Variants in ZNF638 observed in about 807,000 individuals in gnomAD.
The protein encoded by ZNF638 is CTCL tumor antigen se33-1.
In ZNF638, 46 loss-of-function variants were observed where a neutral mutation model predicts 195.6. The observed-to-expected ratio is 0.24, with a 90% CI of 0.19 to 0.30. The LOEUF (loss-of-function observed/expected upper bound fraction) is 0.30, where lower values mean the gene tolerates loss of function less well. ZNF638 is among the 10% of genes least tolerant of loss of function. ZNF638 has a pLI of 1.00. For synonymous variants in ZNF638, 845 were observed against 772.0 expected (o/e 1.09, Z -1.57); for missense variants, 2,440 against 2,325.3 (o/e 1.05, Z -1.01).
At position 71,388,389 on chromosome 2, in the gene ZNF638, TGACCTTTGATCATCC is replaced by T. The variant is rs1206602435; in HGVS notation, c.2378-7750_2378-7736del. 1.4e-5 allele frequency: 9 copies of T among 643,182 alleles called. No individual in the cohort carries two copies. In the East Asian group the frequency reaches 2.1e-4, roughly 15 times the overall value. The allele number at this position is 643,182 out of a possible 1,614,324, so 39.8% of individuals were successfully genotyped here. The stretch of plus-strand genomic sequence containing the variant: ...TTTGATCATCCGACCTTTGATCATC[TGACCTTTGATCATCC>T]GCGTGCAGGACTGCTCCCTACAGGC... On this transcript the variant is annotated intron_variant, in intron 10 of 27. Transcript: ENST00000264447.
chr2:71,373,464 T>TG (rs1166421715), intron 8 of ZNF638, among the ~76,000 whole-genome samples: 4 of 106,786 alleles, frequency 3.7e-5, no homozygotes, highest in Non-Finnish European at 8.0e-5. Context: ...TTTTTTTTTT[T>TG]GGCGGAGCCT....
chr2:71,428,687 C>T, intron 25 of ZNF638, 36 bp downstream of exon 25: 1 of 1,538,568 alleles, frequency 6.5e-7, no homozygotes, highest in Non-Finnish European at 9.0e-7. Context: ...AGGAAAGTTA[C>T]ACAACACAGG....
intron 15 of ZNF638, 129 bp from the exon 16 acceptor site, chr2:71,401,827 T>C: frequency 3.8e-6 from 3 of 792,490 alleles, no homozygotes; most frequent in Non-Finnish European, 5.5e-6. Flanking sequence ...GACCAGCCTC[T>C]TGAGTTTATC....
chr2:71,396,583 C>T (rs939739877), intron 11 of ZNF638, among the ~76,000 whole-genome samples: 1 of 152,106 alleles, frequency 6.6e-6, no homozygotes, highest in African/African-American at 2.4e-5. Context: ...TCCAGTTTTT[C>T]TCCCAGTTCT....
intron 3 of ZNF638, among the ~76,000 whole-genome samples, chr2:71,360,532 T>G (rs2079091587): frequency 6.6e-6 from 1 of 152,296 alleles, no homozygotes; most frequent in East Asian, 1.9e-4. Context: ...ACAGTCTCTT[T>G]TAATCTAGAA....
In ZNF638 at chr2:71,363,136, G is replaced by A. The variant is rs373434939; in HGVS notation, c.1380-17G>A. ...CTGATTTTAGCTGTTAGTTAATATT[G>A]TTTATTTTCAAAATAGGTATCCTGA... On this transcript the variant is annotated splice_polypyrimidine_tract_variant and intron_variant, in intron 3 of 27. Transcript: ENST00000264447. 235 of 1,582,656 alleles carry A rather than the reference G, an allele frequency of 1.5e-4. No homozygotes were observed. The highest frequency in any genetic ancestry group is 1.9e-4 in the Non-Finnish European group (222 of 1,158,296).
Position 71,426,708 on chromosome 2 carries a change from T to G in ZNF638, c.4839T>G (p.His1613Gln). Residue 1613 changes from histidine to glutamine, a missense_variant, in exon 24 of 28, where the codon CAT (histidine) becomes CAG (glutamine). By Grantham distance (24) the His-to-Gln change is conservative (BLOSUM62 0). Transcript: ENST00000264447. ...EIGEEEDAAA[H>Q]LAQALVTVDE... ...GGGAAGAGGAAGATGCAGCTGCACATCTAGCACAAGCTCTAGTCACTGTGG... is the reference window on the plus strand; with the variant it reads ...GGGAAGAGGAAGATGCAGCTGCACAGCTAGCACAAGCTCTAGTCACTGTGG... 1 of 1,614,188 alleles carries G rather than the reference T, an allele frequency of 6.2e-7. No homozygotes were observed. The highest frequency in any genetic ancestry group is 8.5e-7 in the Non-Finnish European group (1 of 1,180,032).
intron 1 of ZNF638, among the ~76,000 whole-genome samples, chr2:71,333,668 C>T (rs1317095153): frequency 1.3e-5 from 2 of 152,180 alleles, no homozygotes; most frequent in East Asian, 1.9e-4. Context: ...AGAGAATAGG[C>T]TTTGCAGTCG....
chr2:71,382,915 A>G (rs916832980), intron 10 of ZNF638, among the ~76,000 whole-genome samples: 2 of 152,226 alleles, frequency 1.3e-5, no homozygotes, highest in African/African-American at 4.8e-5. Context: ...ACCAGAAGAG[A>G]GAAAACAAAG....
chr2:71,339,048 GTTTTCCTT>G (rs945236134), intron 1 of ZNF638, among the ~76,000 whole-genome samples: 2 of 151,076 alleles, frequency 1.3e-5, no homozygotes, highest in African/African-American at 4.9e-5. Flanking sequence ...ATGTTTTCCT[GTTTTCCTT>G]TTTTGTTTAA....
In ZNF638 at chr2:71,348,436, G is replaced by A. The variant is rs547473807; in HGVS notation, c.-202-317G>A. 4.4e-5 allele frequency: 44 copies of A among 1,010,248 alleles called. No homozygotes were observed. The East Asian group carries it at 2.4e-3, about 54-fold the overall frequency. 62.6% of individuals were successfully genotyped at this position (1,010,248 alleles called of 1,614,324 possible). A position where few individuals can be genotyped will look rare whatever the true frequency, so the allele number is the denominator to read the frequency against. On this transcript the variant is annotated intron_variant, in intron 1 of 27. Transcript: ENST00000264447. ...TCTTTTTTTTCCCCAGTATTACAGCGTGAAATAAATTCCCAGTATTTTTCA... is the reference window on the plus strand; with the variant it reads ...TCTTTTTTTTCCCCAGTATTACAGCATGAAATAAATTCCCAGTATTTTTCA...
rs3771380 is a variant in ZNF638 at position 71,335,888 on chromosome 2, G to A, written c.-203+4013G>A. 3.9e-5 allele frequency among the ~76,000 whole-genome samples: 6 copies of A among 152,296 alleles called. No homozygotes were observed. The East Asian group carries it at 1.2e-3, about 29-fold the overall frequency. On this transcript the variant is annotated intron_variant, in intron 1 of 27. Transcript: ENST00000264447. ...TGCATATGTGGTAAAGGTTGTTGGAGTCAGGATCCAACTAATGTTCATAAT... is the reference window on the plus strand; with the variant it reads ...TGCATATGTGGTAAAGGTTGTTGGAATCAGGATCCAACTAATGTTCATAAT...
chr2:71,364,214 G>T lies in ZNF638; in HGVS notation c.1679G>T (p.Ser560Ile), dbSNP rs753190214. 3 of 1,614,182 alleles carry T rather than the reference G, an allele frequency of 1.9e-6. No homozygotes were observed. Among genetic ancestry groups the T allele is most frequent in the South Asian group, 2.2e-5 (2 of 91,076 alleles). The change falls in exon 5 of 28, where the codon AGC becomes ATC. Residue 560 changes from serine to isoleucine, a missense_variant. Physicochemically the swap from Ser to Ile is moderately radical, Grantham distance 142 (BLOSUM62 -2). Transcript: ENST00000264447. ...RGSPKCFRSV[S>I]PERMSRRSVR... ...AGTCCAAAATGCTTTCGATCAGTTA[G>T]CCCTGAGAGGATGTCAAGGAGATCA...
chr2:71,398,803 GTTTA>G (rs2079946493), intron 12 of ZNF638, 31 bp downstream of exon 12: 1 of 1,528,704 alleles, frequency 6.5e-7, no homozygotes, highest in African/African-American at 1.4e-5. Context: ...AGATTTTATT[GTTTA>G]TTCTTTATTT....
At chr2:71,430,732 T>C (rs1329952579) in intron 25 of ZNF638, among the ~76,000 whole-genome samples, 1 of 152,218 alleles carries the variant, frequency 6.6e-6, no homozygotes, top group Non-Finnish European at 1.5e-5. Flanking sequence ...AGTAAGGCAT[T>C]TCAGCTACTG....
chr2:71,396,071 T>G, intron 10 of ZNF638, 70 bp from the exon 11 acceptor site: 3 of 1,422,568 alleles, frequency 2.1e-6, no homozygotes. Context: ...TATTGCTAGG[T>G]TGACTTTTAA....
chr2:71,425,283 G>A lies in ZNF638; in HGVS notation c.4590+568G>A, dbSNP rs141663031. Among the ~76,000 whole-genome samples the A allele has an allele frequency of 2.4e-3, 361 of 152,088 alleles. 1 individual carries two copies. Among genetic ancestry groups the A allele is most frequent in the African/African-American group, 8.4e-3 (349 of 41,472 alleles). ...GATAGATTTGGGCCTATGTTGTTGG[G>A]GCAAGGAGAAATGTTACTAGTTTTA... On this transcript the variant is annotated intron_variant, in intron 23 of 27. Coordinates refer to ENST00000264447, the MANE Select transcript of ZNF638 (RefSeq NM_014497.5).
In ZNF638 at chr2:71,349,779, C is replaced by G; in HGVS notation, c.825C>G (p.Pro275=). 1 of 1,614,186 alleles carries G rather than the reference C, an allele frequency of 6.2e-7. No individual in the cohort carries two copies. Among genetic ancestry groups the G allele is most frequent in the Non-Finnish European group, 8.5e-7 (1 of 1,180,034 alleles). Residue 275 remains proline, a synonymous_variant, in exon 2 of 28, where the codon CCC becomes CCG. Transcript: ENST00000264447. The stretch of plus-strand genomic sequence containing the variant: ...ACGTATTTCGCCAAATGGACTTCCC[C>G]GGTGAGTCCTCCAATAATCGGTCCT... The part of the protein sequence containing the change: ...VEDVFRQMDF[P]GESSNNRSFF...
At chr2:71,404,670 T>C (rs901460031) in intron 17 of ZNF638, among the ~76,000 whole-genome samples, 2 of 152,160 alleles carry the variant, frequency 1.3e-5, no homozygotes, top group African/African-American at 4.8e-5. Context: ...TGAGCTGTGA[T>C]TTTACCACTG....
Sources: allele counts gnomAD v4.1 joint callset (sites outside exome capture counted in the v4.1 genomes callset), GRCh38; gene constraint gnomAD v4.1.1; transcripts MANE v1.5; gene names NCBI Gene and HGNC (gene_info 2026-07-23, HGNC 2026-07-21).